The following DCLK2 variants were observed in gnomAD, a reference collection of about 807,000 sequenced individuals.
DCLK2 encodes the protein doublecortin like kinase 2.
In DCLK2, 31 loss-of-function variants were observed where a neutral mutation model predicts 78.4. The ratio of observed to expected loss-of-function variants is 0.40; its 90% CI spans 0.30 to 0.53. The LOEUF is 0.53. Among genes scored for constraint, DCLK2 ranks in the 20% least tolerant of loss-of-function variants. The pLI, the probability that DCLK2 is intolerant of heterozygous loss-of-function variation, is 0.61. For synonymous variants in DCLK2, 407 were observed against 374.9 expected (o/e 1.09, Z -0.99); for missense variants, 872 against 973.7 (o/e 0.90, Z 1.39).
At position 150,256,110 on chromosome 4, in the gene DCLK2, C is replaced by G. The variant is rs1277879401; in HGVS notation, c.2164C>G (p.Pro722Ala). The change falls in exon 16 of 16, where the codon CCT (proline) becomes GCT (alanine). Residue 722 changes from proline (P) to alanine (A), a missense_variant. Physicochemically the swap from Pro to Ala is conservative, Grantham distance 27. Transcript: ENST00000296550. ...TGGGATGGAGCCCATCTCTCCAGTT[C>G]CTCCCTCAGTGGAGGAGATCCCTGT... is the stretch of plus-strand genomic sequence containing the variant. ...RPGMEPISPVPPSVEEIPVPG... is the reference protein window; with the variant it reads ...RPGMEPISPVAPSVEEIPVPG... 1.2e-6 allele frequency: 2 copies of G among 1,613,084 alleles called. No homozygotes were observed. Among genetic ancestry groups the G allele is most frequent in the East Asian group, 4.5e-5 (2 of 44,846 alleles).
intron 5 of DCLK2, among the ~76,000 whole-genome samples, chr4:150,206,700 A>G (rs950402747): frequency 1.8e-4 from 27 of 152,342 alleles, no homozygotes; most frequent in African/African-American, 6.3e-4. Flanking sequence ...TAAAACACTG[A>G]ATTTTACATT....
intron 4 of DCLK2, among the ~76,000 whole-genome samples, chr4:150,202,437 C>T (rs999056693): frequency 2.0e-5 from 3 of 152,078 alleles, no homozygotes; most frequent in Admixed American, 6.6e-5. Flanking sequence ...AAAAAGTTTT[C>T]GTTTTTACTG....
intron 15 of DCLK2, among the ~76,000 whole-genome samples, 176 bp from the exon 16 acceptor site, chr4:150,255,844 C>T (rs561975837): frequency 6.6e-6 from 1 of 152,242 alleles, no homozygotes; most frequent in East Asian, 1.9e-4. Context: ...CAGCCCCTTC[C>T]CCCGGTGGGT....
intron 2 of DCLK2, among the ~76,000 whole-genome samples, chr4:150,152,295 T>C (rs1322145003): frequency 6.6e-6 from 1 of 152,232 alleles, no homozygotes; most frequent in Admixed American, 6.5e-5. Context: ...TGATTTTTTA[T>C]TTTTTTGAAA....
chr4:150,214,294 C>A (rs1237399952), intron 5 of DCLK2, among the ~76,000 whole-genome samples: 1 of 152,192 alleles, frequency 6.6e-6, no homozygotes, highest in African/African-American at 2.4e-5. Flanking sequence ...ACCTGAGATT[C>A]TTTAATCAAC....
At chr4:150,107,007 G>A (rs562647708) in intron 2 of DCLK2, among the ~76,000 whole-genome samples, 5 of 152,350 alleles carry the variant, frequency 3.3e-5, no homozygotes, top group African/African-American at 9.6e-5. Context: ...CCTAGGGCAT[G>A]TATGGCACTG....
intron 15 of DCLK2, chr4:150,254,400 C>T (rs1445351428): frequency 2.3e-5 from 9 of 399,044 alleles, no homozygotes; most frequent in East Asian, 7.1e-5. Context: ...CCTCTCCCGC[C>T]GCCTGCATTG....
chr4:150,256,320 C>T lies in DCLK2; in HGVS notation c.*73C>T, dbSNP rs1744566969. On this transcript the variant is annotated 3_prime_UTR_variant, in exon 16 of 16. Coordinates refer to ENST00000296550, the MANE Select transcript of DCLK2 (RefSeq NM_001040260.4). ...CCCTCTGCTCGGCCTCGCCGGCCTC[C>T]CTGCTGCAGGCCTCCCTCTCTTCAC... 1.4e-6 allele frequency: 2 copies of T among 1,440,204 alleles called. No homozygotes were observed. Among genetic ancestry groups the T allele is most frequent in the Admixed American group, 2.8e-5 (1 of 35,514 alleles). 89.2% of individuals were successfully genotyped at this position (1,440,204 alleles called of 1,614,324 possible).
At chr4:150,175,066 A>ATATATTTGTATATATTTG (rs1560834877) in intron 2 of DCLK2, among the ~76,000 whole-genome samples, 4 of 10,058 alleles carry the variant, frequency 4.0e-4, no homozygotes, top group Admixed American at 1.6e-3. Context: ...ATATATATTT[A>ATATATTTGTATATATTTG]TATATATTTA....
At position 150,256,402 on chromosome 4, in the gene DCLK2, G is replaced by A. The variant is rs1016574684; in HGVS notation, c.*155G>A. Reference sequence around the variant, plus strand: ...GGCCGCCTGGGAACCGGAGCCTGGCGTGCCGGAGCCTGGCCTGGTGCTCTG... The same window carrying A: ...GGCCGCCTGGGAACCGGAGCCTGGCATGCCGGAGCCTGGCCTGGTGCTCTG... On this transcript the variant is annotated 3_prime_UTR_variant, in exon 16 of 16. Coordinates refer to ENST00000296550, the MANE Select transcript of DCLK2 (RefSeq NM_001040260.4). The A allele has an allele frequency of 2.8e-5, 30 of 1,056,740 alleles. No individual in the cohort carries two copies. The highest frequency in any genetic ancestry group is 1.3e-4 in the African/African-American group (8 of 61,170). 65.5% of individuals were successfully genotyped at this position (1,056,740 alleles called of 1,614,324 possible).
In DCLK2 at chr4:150,081,387, A is replaced by G. The variant is rs556238093; in HGVS notation, c.421+1939A>G. On this transcript the variant is annotated intron_variant, in intron 1 of 15. Transcript: ENST00000296550. ...TCTGCAACTGTAGTTTCAACTACAA[A>G]TTGACTTAACAAATTTCCTTCAAAT... 1.3e-4 allele frequency among the ~76,000 whole-genome samples: 20 copies of G among 152,348 alleles called. No homozygotes were observed. In the East Asian group the frequency reaches 3.7e-3, roughly 28 times the overall value.
chr4:150,190,881 C>T (rs1415563065), intron 2 of DCLK2, among the ~76,000 whole-genome samples: 1 of 152,034 alleles, frequency 6.6e-6, no homozygotes, highest in Non-Finnish European at 1.5e-5. Context: ...TGCTTGAGCC[C>T]AGGAGTTAGA....
At chr4:150,244,308 A>C (rs555597307) in intron 12 of DCLK2, among the ~76,000 whole-genome samples, 3 of 152,220 alleles carry the variant, frequency 2.0e-5, no homozygotes, top group African/African-American at 7.2e-5. Context: ...GAGGCACCCA[A>C]AATTTTAGTT....
At chr4:150,238,077 A>AT (rs1394388297) in intron 10 of DCLK2, among the ~76,000 whole-genome samples, 1 of 152,226 alleles carries the variant, frequency 6.6e-6, no homozygotes, top group Non-Finnish European at 1.5e-5. Flanking sequence ...TATATATGAA[A>AT]TTATTATGAA....
At position 150,079,541 on chromosome 4, in the gene DCLK2, T is replaced by G. The variant is rs1729088595; in HGVS notation, c.421+93T>G. 5 of 1,279,000 alleles carry G rather than the reference T, an allele frequency of 3.9e-6. No homozygotes were observed. The East Asian group carries it at 1.4e-4, about 35-fold the overall frequency. The allele number at this position is 1,279,000 out of a possible 1,614,324, so 79.2% of individuals were successfully genotyped here. Reference sequence around the variant, plus strand: ...CGCAGCGGGGAGCCCGCGGGGTGCTTTCCAAGCCGCACGGGAATTGATGCT... The same window carrying G: ...CGCAGCGGGGAGCCCGCGGGGTGCTGTCCAAGCCGCACGGGAATTGATGCT... On this transcript the variant is annotated intron_variant, in intron 1 of 15. Transcript: ENST00000296550.
chr4:150,102,417 T>C (rs1309056583), intron 1 of DCLK2, 61 bp from the exon 2 acceptor site: 4 of 1,522,586 alleles, frequency 2.6e-6, no homozygotes, highest in Non-Finnish European at 3.6e-6. Context: ...ATCTGTTCTT[T>C]AGACCAAATG....
chr4:150,162,820 T>A (rs568322261), intron 2 of DCLK2, among the ~76,000 whole-genome samples: 36 of 152,130 alleles, frequency 2.4e-4, no homozygotes, highest in Non-Finnish European at 4.7e-4. Flanking sequence ...CTTTGCTTCC[T>A]GGGACATTGA....
intron 2 of DCLK2, among the ~76,000 whole-genome samples, chr4:150,146,609 G>C (rs1734488981): frequency 6.6e-6 from 1 of 152,174 alleles, no homozygotes; most frequent in African/African-American, 2.4e-5. Context: ...TTAGATGCAT[G>C]AATCTGTTGC....
At chr4:150,242,080 G>A (rs1742970258) in intron 12 of DCLK2, among the ~76,000 whole-genome samples, 1 of 152,116 alleles carries the variant, frequency 6.6e-6, no homozygotes, top group Non-Finnish European at 1.5e-5. Context: ...AAAGTTGAAA[G>A]GATTATCTTT....
Sources: allele counts gnomAD v4.1 joint callset (sites outside exome capture counted in the v4.1 genomes callset), GRCh38; gene constraint gnomAD v4.1.1; transcripts MANE v1.5; gene names NCBI Gene and HGNC (gene_info 2026-07-23, HGNC 2026-07-21).